The following JARID2 variants were observed in gnomAD, a reference collection of about 807,000 sequenced individuals.
The protein encoded by JARID2 is protein Jumonji.
In JARID2, 21 loss-of-function variants were observed where a neutral mutation model predicts 125.6. The ratio of observed to expected loss-of-function variants is 0.17; its 90% CI spans 0.12 to 0.24. The LOEUF (loss-of-function observed/expected upper bound fraction) is 0.24. Ranked by LOEUF, JARID2 falls within the 10% of genes least tolerant of loss-of-function variation. The pLI is 1.00. For missense variants in JARID2, 1,303 were observed against 1,639.6 expected (o/e 0.79, Z 3.55); for synonymous variants, 736 against 661.6 (o/e 1.11, Z -1.73).
chr6:15,485,776 A>G (rs896358440), intron 5 of JARID2, among the ~76,000 whole-genome samples: 2 of 152,208 alleles, frequency 1.3e-5, no homozygotes, highest in African/African-American at 4.8e-5. Flanking sequence ...CAGTATTTGC[A>G]ATTTATAAGA....
At chr6:15,284,511 CT>C (rs11286654) in intron 1 of JARID2, among the ~76,000 whole-genome samples, 30,537 of 140,114 alleles carry the variant, frequency 0.22, 3,614 homozygotes, top group African/African-American at 0.38. Context: ...TTTTATAATC[CT>C]TTTTTTTTTT....
chr6:15,515,758 A>AAAAAAAC (rs1771516616), intron 16 of JARID2, among the ~76,000 whole-genome samples: 1 of 150,900 alleles, frequency 6.6e-6, no homozygotes. Context: ...CTTTAAAAAA[A>AAAAAAAC]AAAAACAAAA....
chr6:15,274,259 T>TG (rs1361552315), intron 1 of JARID2, among the ~76,000 whole-genome samples: 1 of 152,170 alleles, frequency 6.6e-6, no homozygotes, highest in Non-Finnish European at 1.5e-5. Context: ...AAGGAGTTTT[T>TG]GGGGGGCATT....
intron 3 of JARID2, among the ~76,000 whole-genome samples, chr6:15,414,527 A>C (rs1766043212): frequency 9.3e-6 from 1 of 107,840 alleles, no homozygotes; most frequent in Non-Finnish European, 1.9e-5. Context: ...AACTACAACA[A>C]CAACAAAACT....
At chr6:15,331,881 A>G (rs780230038) in intron 1 of JARID2, among the ~76,000 whole-genome samples, 12 of 152,196 alleles carry the variant, frequency 7.9e-5, no homozygotes, top group Non-Finnish European at 1.8e-4. Flanking sequence ...CTTAAAATAA[A>G]CAGGTGTCTG....
At chr6:15,352,298 T>C (rs1763456468) in intron 1 of JARID2, among the ~76,000 whole-genome samples, 1 of 151,952 alleles carries the variant, frequency 6.6e-6, no homozygotes, top group Middle Eastern at 3.4e-3. Context: ...GTTAAGAAAC[T>C]ATGTAGCCCC....
intron 1 of JARID2, among the ~76,000 whole-genome samples, chr6:15,284,361 T>C (rs928110132): frequency 2.6e-5 from 4 of 152,194 alleles, no homozygotes; most frequent in Non-Finnish European, 5.9e-5. Flanking sequence ...CATACATTGA[T>C]TGTTATGTCC....
In JARID2 at chr6:15,517,313, CT is replaced by C. The variant is rs570045852; in HGVS notation, c.3558+47del. On this transcript the variant is annotated intron_variant, in intron 17 of 17. Transcript: ENST00000341776. The stretch of plus-strand genomic sequence containing the variant: ...GTAGGGCAGGGCGGCAGCGTGGCGC[CT>C]TCCCTGCTCCCGGCTGGATGTAGGC... 9.3e-4 allele frequency: 1,256 copies of C among 1,356,004 alleles called. 4 individuals are homozygous for C. The highest frequency in any genetic ancestry group is 1.8e-4 in the Non-Finnish European group (172 of 947,248). The allele number at this position is 1,356,004 out of a possible 1,614,324, so 84.0% of individuals were successfully genotyped here. A position where few individuals can be genotyped will look rare whatever the true frequency, so the allele number is the denominator to read the frequency against.
At chr6:15,414,399 T>C (rs1028698993) in intron 3 of JARID2, among the ~76,000 whole-genome samples, 1 of 152,222 alleles carries the variant, frequency 6.6e-6, no homozygotes, top group Non-Finnish European at 1.5e-5. Flanking sequence ...GCCAGTGCCT[T>C]TACTTGACAC....
chr6:15,278,675 G>C (rs925347798), intron 1 of JARID2, among the ~76,000 whole-genome samples: 3 of 152,184 alleles, frequency 2.0e-5, no homozygotes, highest in African/African-American at 7.2e-5. Flanking sequence ...CAGCTCAGCA[G>C]AGGAAGGGTC....
chr6:15,455,460 A>G (rs1768120030), intron 4 of JARID2, among the ~76,000 whole-genome samples: 1 of 152,202 alleles, frequency 6.6e-6, no homozygotes, highest in African/African-American at 2.4e-5. Context: ...ATATAACACT[A>G]GAACTTATTC....
intron 1 of JARID2, among the ~76,000 whole-genome samples, chr6:15,348,587 G>A (rs928585405): frequency 1.3e-5 from 2 of 152,104 alleles, no homozygotes; most frequent in African/African-American, 4.8e-5. Context: ...AAGTTAACTT[G>A]TGGGTTTTCT....
chr6:15,372,157 C>T (rs1764194812), intron 1 of JARID2, among the ~76,000 whole-genome samples: 1 of 152,062 alleles, frequency 6.6e-6, no homozygotes, highest in Non-Finnish European at 1.5e-5. Flanking sequence ...CTGGAGGAGA[C>T]GTCAGATCAT....
chr6:15,306,848 T>G (rs1057245907), intron 1 of JARID2, among the ~76,000 whole-genome samples: 2 of 149,954 alleles, frequency 1.3e-5, no homozygotes, highest in Non-Finnish European at 3.0e-5. Flanking sequence ...TTTCCTGACC[T>G]TACCCATTGT....
intron 1 of JARID2, among the ~76,000 whole-genome samples, chr6:15,355,931 T>A (rs573627679): frequency 6.6e-6 from 1 of 152,190 alleles, no homozygotes; most frequent in Non-Finnish European, 1.5e-5. Flanking sequence ...TTTCTGGAAC[T>A]TTTTCATCAC....
chr6:15,348,945 G>A (rs1763336693), intron 1 of JARID2, among the ~76,000 whole-genome samples: 1 of 152,190 alleles, frequency 6.6e-6, no homozygotes, highest in Non-Finnish European at 1.5e-5. Context: ...TAGGATGGAA[G>A]TTTAAGACTT....
At chr6:15,281,931 TGTGTGTGTG>T (rs1417412234) in intron 1 of JARID2, among the ~76,000 whole-genome samples, 1 of 89,060 alleles carries the variant, frequency 1.1e-5, no homozygotes, top group East Asian at 3.6e-4. Context: ...GCTCTGTGTG[TGTGTGTGTG>T]TGTGTGTGTG....
intron 2 of JARID2, among the ~76,000 whole-genome samples, chr6:15,375,803 T>A (rs1248314983): frequency 6.6e-6 from 1 of 152,202 alleles, no homozygotes; most frequent in East Asian, 1.9e-4. Context: ...GCTGTACTGT[T>A]AGATTGTATG....
rs533356830 is a variant in JARID2 at position 15,448,230 on chromosome 6, T to C, written c.324-3776T>C. ...AGGGGTAATTTATTTTACTGCCACT[T>C]TTTAATGTGTTATTGCCTTATTTTT... On this transcript the variant is annotated intron_variant, in intron 3 of 17. Transcript: ENST00000341776. Among the ~76,000 whole-genome samples, 4 of 152,348 alleles carry C rather than the reference T, an allele frequency of 2.6e-5. No individual in the cohort carries two copies. The East Asian group carries it at 7.7e-4, about 29-fold the overall frequency.
Sources: allele counts gnomAD v4.1 joint callset (sites outside exome capture counted in the v4.1 genomes callset), GRCh38; gene constraint gnomAD v4.1.1; transcripts MANE v1.5; gene names NCBI Gene and HGNC (gene_info 2026-07-23, HGNC 2026-07-21).